The following SDK1 variants were observed in gnomAD, a reference collection of about 807,000 sequenced individuals.
The protein encoded by SDK1 is protein sidekick-1.
SDK1 carries 157 observed loss-of-function variants against 245.5 expected under a neutral mutation model. The ratio of observed to expected loss-of-function variants is 0.64; its 90% CI spans 0.56 to 0.73. The LOEUF (loss-of-function observed/expected upper bound fraction) is 0.73, where lower values mean the gene tolerates loss of function less well. Among genes scored for constraint, SDK1 ranks in the 30% least tolerant of loss-of-function variants. The probability of loss-of-function intolerance (pLI) is 0.00; values close to 1 mark genes in which losing one functional copy is unlikely to be tolerated. For missense variants in SDK1, 3,583 were observed against 3,002.3 expected (o/e 1.19, Z -4.52); for synonymous variants, 1,647 against 1,278.5 (o/e 1.29, Z -6.15).
At chr7:3,619,011 A>C (rs1030088210) in intron 1 of SDK1, 69 bp from the exon 2 acceptor site, 4 of 1,231,150 alleles carry the variant, frequency 3.2e-6, no homozygotes, top group Non-Finnish European at 4.5e-6. Flanking sequence ...TAATAGATTT[A>C]TTAAATTAGA....
At chr7:3,771,138 T>C (rs1176279687) in intron 4 of SDK1, among the ~76,000 whole-genome samples, 1 of 152,122 alleles carries the variant, frequency 6.6e-6, no homozygotes, top group African/African-American at 2.4e-5. Flanking sequence ...TATGGGCTCA[T>C]CTAGCATGGC....
rs113180131 is a variant in SDK1, at chr7:3,999,603, T to A, written c.2132-11363T>A. On this transcript the variant is annotated intron_variant, in intron 14 of 44. Transcript: ENST00000404826. ...GCTGGTGGCCAAGGACTCCGAGGCT[T>A]GGATGCAGGGCAGCAAAATGGGAGT... 7.2e-5 allele frequency among the ~76,000 whole-genome samples: 11 copies of A among 152,298 alleles called. 1 individual carries two copies. Among genetic ancestry groups the A allele is most frequent in the South Asian group, 4.1e-4 (2 of 4,820 alleles).
chr7:3,943,078 G>T lies in SDK1; in HGVS notation c.848-7845G>T, dbSNP rs561767762. Among the ~76,000 whole-genome samples, 3 of 152,372 alleles carry T rather than the reference G, an allele frequency of 2.0e-5. No individual in the cohort carries two copies. In the South Asian group the frequency reaches 6.2e-4, roughly 32 times the overall value. ...GAGGCGTATTCGCCAGGAGCACTCG[G>T]CTGTGAATCCAGACACGGAAGACAG... On this transcript the variant is annotated intron_variant, in intron 5 of 44. Transcript: ENST00000404826.
chr7:4,262,703 C>T (rs971313989), intron 44 of SDK1, among the ~76,000 whole-genome samples: 1 of 141,002 alleles, frequency 7.1e-6, no homozygotes, highest in Non-Finnish European at 1.5e-5. Context: ...CCTCTCCCCT[C>T]ATCACCTCCC....
At chr7:4,123,708 G>T (rs1474247314) in intron 25 of SDK1, among the ~76,000 whole-genome samples, 1 of 152,218 alleles carries the variant, frequency 6.6e-6, no homozygotes, top group Non-Finnish European at 1.5e-5. Context: ...GATTGGACTG[G>T]CTGGCATTAT....
chr7:4,139,557 ATATATGTGTG>A (rs796656191), intron 28 of SDK1, among the ~76,000 whole-genome samples: 213 of 12,334 alleles, frequency 0.017, 8 homozygotes, highest in Middle Eastern at 0.045. Flanking sequence ...GTGTATATGT[ATATATGTGTG>A]TATATGTGTG....
At chr7:3,812,941 T>C (rs1218987950) in intron 4 of SDK1, among the ~76,000 whole-genome samples, 1 of 152,176 alleles carries the variant, frequency 6.6e-6, no homozygotes, top group African/African-American at 2.4e-5. Flanking sequence ...CCAAATTCTT[T>C]CTTCTTTTGC....
intron 17 of SDK1, among the ~76,000 whole-genome samples, chr7:4,035,047 T>G (rs563056338): frequency 6.6e-6 from 1 of 152,340 alleles, no homozygotes; most frequent in East Asian, 1.9e-4. Context: ...GGCACAGTCT[T>G]GGCTCACCGC....
At chr7:3,949,510 T>C (rs1296108474) in intron 5 of SDK1, among the ~76,000 whole-genome samples, 2 of 152,200 alleles carry the variant, frequency 1.3e-5, no homozygotes, top group Non-Finnish European at 2.9e-5. Flanking sequence ...CCGCTGCCGC[T>C]CACGATGGTG....
chr7:3,829,643 A>C (rs1417393624), intron 5 of SDK1, among the ~76,000 whole-genome samples: 1 of 152,188 alleles, frequency 6.6e-6, no homozygotes, highest in Non-Finnish European at 1.5e-5. Flanking sequence ...TGAGGTCAAA[A>C]CGTGTCCAAG....
chr7:3,820,022 T>C (rs1204349577), intron 4 of SDK1, among the ~76,000 whole-genome samples: 2 of 152,220 alleles, frequency 1.3e-5, no homozygotes, highest in African/African-American at 2.4e-5. Context: ...CAACTCACTC[T>C]AGAGACCTAA....
At chr7:4,048,880 G>A (rs1281262091) in intron 17 of SDK1, among the ~76,000 whole-genome samples, 1 of 152,156 alleles carries the variant, frequency 6.6e-6, no homozygotes, top group Non-Finnish European at 1.5e-5. Flanking sequence ...ACCTCCAACA[G>A]CATATATGGG....
chr7:3,378,002 C>G (rs952032728), intron 1 of SDK1, among the ~76,000 whole-genome samples: 1 of 152,080 alleles, frequency 6.6e-6, no homozygotes, highest in African/African-American at 2.4e-5. Context: ...TGGTCTTGAA[C>G]TCCTGGGCTC....
intron 2 of SDK1, among the ~76,000 whole-genome samples, chr7:3,635,607 A>T (rs926261196): frequency 3.9e-5 from 6 of 152,258 alleles, no homozygotes; most frequent in Admixed American, 6.5e-5. Context: ...TAAATTGTGG[A>T]CAAGTATTAC....
At chr7:3,323,972 C>T (rs1779880660) in intron 1 of SDK1, among the ~76,000 whole-genome samples, 2 of 152,080 alleles carry the variant, frequency 1.3e-5, no homozygotes, top group African/African-American at 2.4e-5. Flanking sequence ...TTCTTTAAGC[C>T]GTTTGGTCTC....
At chr7:3,746,725 T>C (rs1454961552) in intron 4 of SDK1, among the ~76,000 whole-genome samples, 1 of 152,248 alleles carries the variant, frequency 6.6e-6, no homozygotes, top group African/African-American at 2.4e-5. Flanking sequence ...GTCTTCAGAC[T>C]CCACTGCTAA....
At chr7:3,716,741 A>G (rs1785212109) in intron 4 of SDK1, among the ~76,000 whole-genome samples, 3 of 151,550 alleles carry the variant, frequency 2.0e-5, no homozygotes, top group Non-Finnish European at 4.4e-5. Context: ...CCTGGGTGAC[A>G]AAGTGAGACC....
At position 4,208,127 on chromosome 7, in the gene SDK1, A is replaced by G. The variant is rs1434909986; in HGVS notation, c.5243A>G (p.Asn1748Ser). The G allele has an allele frequency of 6.2e-7, 1 of 1,613,974 alleles. No homozygotes were observed. Residue 1748 changes from asparagine to serine, a missense_variant, in exon 37 of 45, where the codon AAC becomes AGC. Asn to Ser is a conservative substitution (Grantham distance 46). Transcript: ENST00000404826. ...KIYYWEADSQ[N>S]ETEKMKVLFL... ...TACTACTGGGAGGCAGACAGCCAGA[A>G]CGAAACGGAGAAAATGAAGGTCCTC...
At chr7:4,067,225 T>C (rs562806502) in intron 19 of SDK1, among the ~76,000 whole-genome samples, 12 of 152,350 alleles carry the variant, frequency 7.9e-5, no homozygotes, top group South Asian at 2.1e-4. Flanking sequence ...CGTTCAAGCG[T>C]AACTCTGCGG....
Sources: allele counts gnomAD v4.1 joint callset (sites outside exome capture counted in the v4.1 genomes callset), GRCh38; gene constraint gnomAD v4.1.1; transcripts MANE v1.5; gene names NCBI Gene and HGNC (gene_info 2026-07-23, HGNC 2026-07-21).